The following FLI1 variants were observed in gnomAD, a reference collection of about 807,000 sequenced individuals.
The protein encoded by FLI1 is Friend leukemia integration 1 transcription factor.
FLI1 carries 13 observed loss-of-function variants against 53.1 expected under a neutral mutation model. The ratio of observed to expected loss-of-function variants is 0.24; its 90% CI spans 0.16 to 0.39. The LOEUF (loss-of-function observed/expected upper bound fraction) is 0.39. Among genes scored for constraint, FLI1 ranks in the 10% least tolerant of loss-of-function variants. The probability of loss-of-function intolerance (pLI) is 1.00; values close to 1 mark genes in which losing one functional copy is unlikely to be tolerated. For synonymous variants in FLI1, 244 were observed against 236.7 expected (o/e 1.03, Z -0.28); for missense variants, 424 against 600.5 (o/e 0.71, Z 3.07).
At chr11:128,762,854 G>C (rs1417996526) in intron 2 of FLI1, among the ~76,000 whole-genome samples, 1 of 152,154 alleles carries the variant, frequency 6.6e-6, no homozygotes, top group Non-Finnish European at 1.5e-5. Context: ...TACTCAGGAG[G>C]CTGAGGCAGG....
intron 1 of FLI1, among the ~76,000 whole-genome samples, chr11:128,738,415 T>A (rs1939995351): frequency 6.6e-6 from 1 of 152,198 alleles, no homozygotes; most frequent in Admixed American, 6.5e-5. Context: ...CCCGAAGCCC[T>A]CTCCACCTGA....
chr11:128,787,846 G>A (rs964882151), intron 5 of FLI1, among the ~76,000 whole-genome samples: 3 of 136,936 alleles, frequency 2.2e-5, no homozygotes, highest in African/African-American at 8.4e-5. Context: ...TCGCTCTGTC[G>A]CTCAGGCTGG....
chr11:128,759,894 AAG>A (rs1366660152), intron 2 of FLI1, among the ~76,000 whole-genome samples: 2 of 152,210 alleles, frequency 1.3e-5, no homozygotes, highest in Non-Finnish European at 2.9e-5. Flanking sequence ...GTCTAGATTG[AAG>A]AGAGAGAAGG....
rs189717685 is a variant in FLI1, at chr11:128,731,455, G to C, written c.19-26660G>C. Among the ~76,000 whole-genome samples the C allele has an allele frequency of 1.1e-4, 16 of 146,864 alleles. No homozygotes were observed. The East Asian group carries it at 3.3e-3, about 30-fold the overall frequency. The stretch of plus-strand genomic sequence containing the variant: ...ACAAAACAAGAGGTCAAGTATGAAA[G>C]GGTGGTTAACAAATTGAGCAGCCCT... On this transcript the variant is annotated intron_variant, in intron 1 of 8. Coordinates refer to ENST00000527786, the MANE Select transcript of FLI1 (RefSeq NM_002017.5).
At chr11:128,768,307 A>T (rs773021291) in intron 3 of FLI1, 35 bp downstream of exon 3, 15 of 1,541,748 alleles carry the variant, frequency 9.7e-6, no homozygotes, top group South Asian at 2.3e-5. Context: ...GGCGCCATTC[A>T]CTTCCCCACT....
chr11:128,770,899 T>C (rs1391900419), intron 3 of FLI1, among the ~76,000 whole-genome samples: 2 of 152,178 alleles, frequency 1.3e-5, no homozygotes, highest in Non-Finnish European at 2.9e-5. Flanking sequence ...ACTTGTACAA[T>C]GACACTTTAG....
At chr11:128,724,484 A>G (rs1939390588) in intron 1 of FLI1, among the ~76,000 whole-genome samples, 1 of 152,214 alleles carries the variant, frequency 6.6e-6, no homozygotes, top group Non-Finnish European at 1.5e-5. Flanking sequence ...GCAGGTTTCC[A>G]GAAGAGGATG....
In FLI1 at chr11:128,801,628, A is replaced by G. The variant is rs190636744; in HGVS notation, c.656-3738A>G. On this transcript the variant is annotated intron_variant, in intron 5 of 8. Coordinates refer to ENST00000527786, the MANE Select transcript of FLI1 (RefSeq NM_002017.5). Reference sequence around the variant, plus strand: ...GTACCCCTCAACACCCCAGATGGAAATCTTTTGCCTGGAGGCTTAATTTCG... The same window carrying G: ...GTACCCCTCAACACCCCAGATGGAAGTCTTTTGCCTGGAGGCTTAATTTCG... 1.5e-3 allele frequency among the ~76,000 whole-genome samples: 221 copies of G among 152,338 alleles called. 1 individual carries two copies. Among genetic ancestry groups the G allele is most frequent in the African/African-American group, 4.9e-3 (205 of 41,580 alleles).
chr11:128,748,633 C>CAAA (rs927424811), intron 1 of FLI1, among the ~76,000 whole-genome samples: 1 of 136,340 alleles, frequency 7.3e-6, no homozygotes, highest in Non-Finnish European at 1.6e-5. Flanking sequence ...AACTCTGTCT[C>CAAA]AAAAAAAAAA....
At chr11:128,708,112 G>C (rs1938629661) in intron 1 of FLI1, among the ~76,000 whole-genome samples, 1 of 152,160 alleles carries the variant, frequency 6.6e-6, no homozygotes, top group African/African-American at 2.4e-5. Flanking sequence ...GGAAAACAGG[G>C]GTATCCCTGA....
At chr11:128,727,059 G>T (rs1197523184) in intron 1 of FLI1, among the ~76,000 whole-genome samples, 1 of 152,108 alleles carries the variant, frequency 6.6e-6, no homozygotes, top group East Asian at 1.9e-4. Flanking sequence ...TTAATATTTG[G>T]ATATATTTTC....
chr11:128,733,662 T>C (rs540044922), intron 1 of FLI1, among the ~76,000 whole-genome samples: 4 of 152,230 alleles, frequency 2.6e-5, no homozygotes, highest in Non-Finnish European at 5.9e-5. Context: ...GCAGGAATGT[T>C]ATGCATGTGT....
At chr11:128,689,487 G>A (rs1937653203), upstream of FLI1, among the ~76,000 whole-genome samples, 2 of 152,134 alleles carry the variant, frequency 1.3e-5, no homozygotes, top group Admixed American at 6.5e-5. Flanking sequence ...GGGAGATGCC[G>A]TCTTCCGCCT....
At chr11:128,737,213 G>A (rs1309130401) in intron 1 of FLI1, among the ~76,000 whole-genome samples, 1 of 152,158 alleles carries the variant, frequency 6.6e-6, no homozygotes, top group African/African-American at 2.4e-5. Flanking sequence ...GGAGGCCAGG[G>A]TGCAAGCTCA....
Position 128,792,274 on chromosome 11 carries a change from A to G in FLI1, c.655+10251A>G, listed in dbSNP as rs7945939. Among the ~76,000 whole-genome samples, 320 of 152,182 alleles carry G rather than the reference A, an allele frequency of 2.1e-3. 1 individual carries two copies. The highest frequency in any genetic ancestry group is 7.4e-3 in the African/African-American group (308 of 41,520). On this transcript the variant is annotated intron_variant, in intron 5 of 8. Transcript: ENST00000527786. ...CTTTCCTACTTCATCTACCACCCCC[A>G]TCATGCATTTCCCCCAAGTAGCTGA...
chr11:128,760,671 G>A (rs1277750882), intron 2 of FLI1, among the ~76,000 whole-genome samples: 2 of 151,960 alleles, frequency 1.3e-5, no homozygotes, highest in Non-Finnish European at 2.9e-5. Context: ...GGGATTACAA[G>A]CACATGGCAC....
chr11:128,686,386 A>T (rs1392179232), upstream of FLI1: 3 of 456,228 alleles, frequency 6.6e-6, no homozygotes, highest in Non-Finnish European at 1.3e-5. Flanking sequence ...TGTAGGGAGG[A>T]GACCCAATGG....
chr11:128,799,931 G>A (rs1229267561), intron 5 of FLI1, among the ~76,000 whole-genome samples: 2 of 152,150 alleles, frequency 1.3e-5, no homozygotes, highest in Non-Finnish European at 2.9e-5. Context: ...GGATCTCCTA[G>A]TCCAGCCCTC....
intron 2 of FLI1, among the ~76,000 whole-genome samples, chr11:128,767,810 A>G (rs1278901648): frequency 6.7e-6 from 1 of 149,722 alleles, no homozygotes; most frequent in African/African-American, 2.6e-5. Flanking sequence ...GAGGCTAAAA[A>G]TGTAAGCTGC....
Sources: allele counts gnomAD v4.1 joint callset (sites outside exome capture counted in the v4.1 genomes callset), GRCh38; gene constraint gnomAD v4.1.1; transcripts MANE v1.5; gene names NCBI Gene and HGNC (gene_info 2026-07-23, HGNC 2026-07-21).